CLMP: variants seen among roughly 807,000 people sequenced by gnomAD.
CLMP encodes the protein CXADR like cell adhesion molecule.
In CLMP, 27 loss-of-function variants were observed where a neutral mutation model predicts 45.2. That is an observed-to-expected ratio of 0.60 (90% CI 0.44 to 0.82). The LOEUF (loss-of-function observed/expected upper bound fraction) is 0.82. Among genes scored for constraint, CLMP ranks in the 40% least tolerant of loss-of-function variants. The pLI is 0.00. For missense variants in CLMP, 403 were observed against 448.4 expected (o/e 0.90, Z 0.91); for synonymous variants, 167 against 171.4 (o/e 0.97, Z 0.20).
At chr11:123,136,961 C>T (rs541566674) in intron 1 of CLMP, among the ~76,000 whole-genome samples, 2 of 152,020 alleles carry the variant, frequency 1.3e-5, no homozygotes, top group South Asian at 4.2e-4. Flanking sequence ...TTAGATGTGA[C>T]AGGCTGCCAA....
chr11:123,073,662 A>G lies in CLMP; in HGVS notation c.934T>C (p.Ser312Pro), dbSNP rs1422290151. ...SSTRSTANSA[S>P]RSQRTLSTDA... ...GTTGACAGTGTCCGCTGGCTGCGTG[A>G]GGCACTATTTGCTGTGGAGCGAGTG... Residue 312 changes from serine to proline, a missense_variant, in exon 7 of 7, where the codon TCA becomes CCA. By Grantham distance (74) the Ser-to-Pro change is moderately conservative (BLOSUM62 -1). Coordinates refer to ENST00000448775, the MANE Select transcript of CLMP (RefSeq NM_024769.5). 1.2e-6 allele frequency: 2 copies of G among 1,614,216 alleles called. No individual in the cohort carries two copies. The highest frequency in any genetic ancestry group is 2.2e-5 in the South Asian group (2 of 91,086).
intron 2 of CLMP, among the ~76,000 whole-genome samples, chr11:123,087,932 C>T (rs1343858790): frequency 2.0e-5 from 3 of 149,620 alleles, no homozygotes; most frequent in African/African-American, 2.5e-5. Flanking sequence ...TTCTTTGAGA[C>T]GGAGTTTCAC....
chr11:123,190,180 C>T lies in CLMP; in HGVS notation c.28+4733G>A, dbSNP rs143169171. ...TACTGAACTTCCTGGGTGGGGGGAT[C>T]GGGCCATCACCCTGAACCTGAATGG... is the stretch of plus-strand genomic sequence containing the variant. On this transcript the variant is annotated intron_variant, in intron 1 of 6. Transcript: ENST00000448775. Among the ~76,000 whole-genome samples the T allele has an allele frequency of 4.0e-3, 611 of 152,170 alleles. 4 individuals are homozygous for T. The highest frequency in any genetic ancestry group is 0.017 in the Middle Eastern group (5 of 294).
chr11:123,130,619 T>C (rs1439524947), intron 1 of CLMP, among the ~76,000 whole-genome samples: 2 of 152,102 alleles, frequency 1.3e-5, no homozygotes, highest in African/African-American at 4.8e-5. Flanking sequence ...GGAACTGCAT[T>C]GTTCCTGCCT....
chr11:123,085,595 TAAA>T lies in CLMP; in HGVS notation c.187-885_187-883del, dbSNP rs35921171. On this transcript the variant is annotated intron_variant, in intron 2 of 6. Coordinates refer to ENST00000448775, the MANE Select transcript of CLMP (RefSeq NM_024769.5). ...ATAAGAAATAAGATAGCTACAAAGA[TAAA>T]AAAAAAAAAAAAAAAAAAGCTTACA... 2.3e-3 allele frequency among the ~76,000 whole-genome samples: 185 copies of T among 82,084 alleles called. 4 individuals carry two copies. In the East Asian group the frequency reaches 0.056, roughly 25 times the overall value. The allele number at this position is 82,084 out of a possible 152,430, so 53.9% of individuals were successfully genotyped here.
At chr11:123,099,622 TAGA>T (rs1866031626) in intron 1 of CLMP, among the ~76,000 whole-genome samples, 1 of 151,234 alleles carries the variant, frequency 6.6e-6, no homozygotes, top group Non-Finnish European at 1.5e-5. Flanking sequence ...GTGGATAGAA[TAGA>T]GGAGGAGGAA....
chr11:123,122,593 A>G (rs1360813539), intron 1 of CLMP, among the ~76,000 whole-genome samples: 1 of 152,158 alleles, frequency 6.6e-6, no homozygotes, highest in African/African-American at 2.4e-5. Flanking sequence ...CATGATAGAA[A>G]AGGAGAAAAA....
intron 1 of CLMP, among the ~76,000 whole-genome samples, chr11:123,184,126 G>A (rs556630619): frequency 1.1e-3 from 170 of 152,064 alleles, no homozygotes; most frequent in Non-Finnish European, 1.8e-3. Context: ...GATTAATTTC[G>A]CTTTGTCGCC....
Position 123,084,578 on chromosome 11 carries a change from G to A in CLMP, c.322C>T (p.Arg108Trp), listed in dbSNP as rs773823695. Residue 108 changes from arginine (R) to tryptophan (W), a missense_variant, in exon 3 of 7, where the codon CGG (arginine) becomes TGG (tryptophan). Physicochemically the swap from Arg to Trp is moderately radical, Grantham distance 101 (BLOSUM62 -3). Transcript: ENST00000448775. ...IEPLKPSDEG[R>W]YTCKVKNSGR... Reference sequence around the variant, plus strand: ...GAATTCTTAACCTTACAGGTGTACCGGCCCTCATCACTGGGCTTCAGAGGT... The same window carrying A: ...GAATTCTTAACCTTACAGGTGTACCAGCCCTCATCACTGGGCTTCAGAGGT... 1.3e-5 allele frequency: 21 copies of A among 1,614,042 alleles called. No individual in the cohort carries two copies. Among genetic ancestry groups the A allele is most frequent in the Admixed American group, 3.3e-5 (2 of 59,996 alleles).
chr11:123,185,776 G>GA (rs972976885), intron 1 of CLMP, among the ~76,000 whole-genome samples: 11 of 151,778 alleles, frequency 7.2e-5, no homozygotes, highest in African/African-American at 1.9e-4. Flanking sequence ...TTAATGAGGA[G>GA]AAAAAATCGC....
intron 1 of CLMP, among the ~76,000 whole-genome samples, chr11:123,111,469 G>T (rs148896935): frequency 1.5e-3 from 234 of 152,240 alleles, no homozygotes; most frequent in Admixed American, 2.9e-3. Context: ...TTTCAAGATT[G>T]TTGAAGGGAC....
At position 123,120,908 on chromosome 11, in the gene CLMP, C is replaced by T. The variant is rs537886973; in HGVS notation, c.29-22956G>A. The stretch of plus-strand genomic sequence containing the variant: ...TTGGGAGGCCGAGGTGGGAGGATCA[C>T]GAGGTCAGGAGATCGAGACCATCCT... On this transcript the variant is annotated intron_variant, in intron 1 of 6. Coordinates refer to ENST00000448775, the MANE Select transcript of CLMP (RefSeq NM_024769.5). Among the ~76,000 whole-genome samples, 4 of 152,032 alleles carry T rather than the reference C, an allele frequency of 2.6e-5. No homozygotes were observed. In the South Asian group the frequency reaches 6.2e-4, roughly 24 times the overall value.
chr11:123,188,093 G>T (rs76846853), intron 1 of CLMP, among the ~76,000 whole-genome samples: 1 of 152,142 alleles, frequency 6.6e-6, no homozygotes, highest in Non-Finnish European at 1.5e-5. Flanking sequence ...TTCCTTGTTC[G>T]TGAATACGTC....
intron 1 of CLMP, among the ~76,000 whole-genome samples, chr11:123,166,479 A>AGCCT (rs1322116046): frequency 6.6e-6 from 1 of 152,232 alleles, no homozygotes; most frequent in Non-Finnish European, 1.5e-5. Flanking sequence ...AACCACAGAC[A>AGCCT]GCCTGCCTGC....
At chr11:123,172,634 A>C (rs1861651558) in intron 1 of CLMP, among the ~76,000 whole-genome samples, 1 of 152,036 alleles carries the variant, frequency 6.6e-6, no homozygotes, top group Non-Finnish European at 1.5e-5. Flanking sequence ...GTCGTGAGCC[A>C]CTATACTTGG....
At chr11:123,130,246 T>G (rs1358218490) in intron 1 of CLMP, among the ~76,000 whole-genome samples, 1 of 152,022 alleles carries the variant, frequency 6.6e-6, no homozygotes, top group East Asian at 1.9e-4. Flanking sequence ...GTCCAAGGGA[T>G]GTAACTGCCC....
chr11:123,105,459 C>A (rs931165250), intron 1 of CLMP, among the ~76,000 whole-genome samples: 20 of 144,738 alleles, frequency 1.4e-4, no homozygotes, highest in Non-Finnish European at 2.8e-4. Context: ...GAGATGGAGT[C>A]TTGCTCTGTC....
At chr11:123,078,110 A>AG (rs146696524) in intron 5 of CLMP, among the ~76,000 whole-genome samples, 3,133 of 152,230 alleles carry the variant, frequency 0.021, 97 homozygotes, top group East Asian at 0.17. Context: ...CTGTCTCAAA[A>AG]AAAAAGAAAA....
At chr11:123,145,889 A>C (rs1430355059) in intron 1 of CLMP, among the ~76,000 whole-genome samples, 1 of 152,120 alleles carries the variant, frequency 6.6e-6, no homozygotes, top group Non-Finnish European at 1.5e-5. Context: ...CTGCTACTTT[A>C]CTTATCTCCT....
Sources: allele counts gnomAD v4.1 joint callset (sites outside exome capture counted in the v4.1 genomes callset), GRCh38; gene constraint gnomAD v4.1.1; transcripts MANE v1.5; gene names NCBI Gene and HGNC (gene_info 2026-07-23, HGNC 2026-07-21).